FBXL4: variants seen among roughly 807,000 people sequenced by gnomAD.
The protein encoded by FBXL4 is F-box/LRR-repeat protein 4.
In FBXL4, 40 loss-of-function variants were observed where a neutral mutation model predicts 58.9. The ratio of observed to expected loss-of-function variants is 0.68; its 90% CI spans 0.53 to 0.88. The LOEUF (loss-of-function observed/expected upper bound fraction) is 0.88. FBXL4 is among the 40% of genes least tolerant of loss of function. The probability of loss-of-function intolerance (pLI) is 0.00; values close to 1 mark genes in which losing one functional copy is unlikely to be tolerated. For synonymous variants in FBXL4, 263 were observed against 265.5 expected (o/e 0.99, Z 0.09); for missense variants, 676 against 734.4 (o/e 0.92, Z 0.92).
rs1773687186 is a variant in FBXL4, at chr6:98,947,828, C to T, written c.-331G>A. The T allele has an allele frequency of 6.6e-6, 1 of 151,908 alleles. No individual in the cohort carries two copies. Among genetic ancestry groups the T allele is most frequent in the Non-Finnish European group, 1.5e-5 (1 of 68,018 alleles). 9.4% of individuals were successfully genotyped at this position (151,908 alleles called of 1,614,324 possible). A position where few individuals can be genotyped will look rare whatever the true frequency, so the allele number is the denominator to read the frequency against. ...TACCCTGCAGGGTCCGGGAGAGGCG[C>T]GCGCCGCGGGCTTCACCAGCGACCA... On this transcript the variant is annotated 5_prime_UTR_variant, in exon 1 of 10. Transcript: ENST00000369244.
At chr6:98,899,564 A>G (rs1582394079) in intron 6 of FBXL4, 83 bp from the exon 7 acceptor site, 2 of 1,411,460 alleles carry the variant, frequency 1.4e-6, no homozygotes, top group Non-Finnish European at 1.9e-6. Flanking sequence ...AACTCTAAGT[A>G]GATACATTTG....
intron 4 of FBXL4, among the ~76,000 whole-genome samples, chr6:98,923,846 T>C (rs1336645090): frequency 1.3e-5 from 2 of 152,188 alleles, no homozygotes; most frequent in Non-Finnish European, 2.9e-5. Context: ...CATATATATT[T>C]TCCTTTTTTT....
At chr6:98,930,265 A>C (rs1457250289) in intron 2 of FBXL4, among the ~76,000 whole-genome samples, 3 of 152,236 alleles carry the variant, frequency 2.0e-5, no homozygotes, top group Non-Finnish European at 4.4e-5. Context: ...CATATATTAA[A>C]ATAAATAGGC....
intron 7 of FBXL4, among the ~76,000 whole-genome samples, chr6:98,892,537 C>T (rs558446023): frequency 5.7e-4 from 87 of 152,292 alleles, no homozygotes; most frequent in African/African-American, 2.0e-3. Flanking sequence ...AAGGAGACCA[C>T]CATATACGCA....
At chr6:98,883,407 A>C (rs1027030423) in intron 7 of FBXL4, among the ~76,000 whole-genome samples, 1 of 151,958 alleles carries the variant, frequency 6.6e-6, no homozygotes, top group African/African-American at 2.4e-5. Context: ...AGATGTGAAC[A>C]TTTTAAATTT....
intron 6 of FBXL4, among the ~76,000 whole-genome samples, chr6:98,903,928 T>C (rs932219610): frequency 5.3e-5 from 8 of 152,152 alleles, no homozygotes; most frequent in Non-Finnish European, 1.0e-4. Flanking sequence ...ATTATATATC[T>C]CATGTCTCTG....
chr6:98,912,583 A>T (rs1026338295), intron 5 of FBXL4, among the ~76,000 whole-genome samples: 3 of 152,214 alleles, frequency 2.0e-5, no homozygotes, highest in African/African-American at 7.2e-5. Context: ...ACTAAGCTTC[A>T]TAAGTGAAGG....
chr6:98,945,256 C>G (rs551293306), intron 1 of FBXL4, among the ~76,000 whole-genome samples: 1 of 152,152 alleles, frequency 6.6e-6, no homozygotes, highest in South Asian at 2.1e-4. Flanking sequence ...ATAATGCCAA[C>G]AGGGGACTGG....
At chr6:98,916,737 G>A (rs911479398) in intron 5 of FBXL4, among the ~76,000 whole-genome samples, 2 of 151,336 alleles carry the variant, frequency 1.3e-5, no homozygotes, top group East Asian at 1.9e-4. Flanking sequence ...GTTGATGGGT[G>A]CAGCACACCA....
chr6:98,874,191 TA>T lies in FBXL4; in HGVS notation c.*86del. 9.7e-7 allele frequency: 1 copy of T among 1,030,060 alleles called. No individual in the cohort carries two copies. The highest frequency in any genetic ancestry group is 1.4e-6 in the Non-Finnish European group (1 of 737,694). The allele number at this position is 1,030,060 out of a possible 1,614,324, so 63.8% of individuals were successfully genotyped here. Reference sequence around the variant, plus strand: ...CTACAAATGTCTTAATTCTTACCATTAAAACAACTAAAAACAAAACCCAAAA... The same window carrying T: ...CTACAAATGTCTTAATTCTTACCATTAAACAACTAAAAACAAAACCCAAAA... On this transcript the variant is annotated 3_prime_UTR_variant, in exon 10 of 10. Coordinates refer to ENST00000369244, the MANE Select transcript of FBXL4 (RefSeq NM_001278716.2).
Position 98,872,834 on chromosome 6 carries a change from A to G in FBXL4, c.*1444T>C, listed in dbSNP as rs1770529345. 6.6e-6 allele frequency: 1 copy of G among 152,202 alleles called. No individual in the cohort carries two copies. The highest frequency in any genetic ancestry group is 1.5e-5 in the Non-Finnish European group (1 of 68,064). The allele number at this position is 152,202 out of a possible 1,614,324, so 9.4% of individuals were successfully genotyped here. A position where few individuals can be genotyped will look rare whatever the true frequency, so the allele number is the denominator to read the frequency against. ...CACTAGCAGCTGTATGATCATAAATAAATTCTTCAATCTTTCTTTGCCTCA... is the reference window on the plus strand; with the variant it reads ...CACTAGCAGCTGTATGATCATAAATGAATTCTTCAATCTTTCTTTGCCTCA... On this transcript the variant is annotated 3_prime_UTR_variant, in exon 10 of 10. Coordinates refer to ENST00000369244, the MANE Select transcript of FBXL4 (RefSeq NM_001278716.2).
chr6:98,880,700 C>T (rs1770822877), intron 7 of FBXL4, 76 bp from the exon 8 acceptor site: 1 of 1,225,242 alleles, frequency 8.2e-7, no homozygotes, highest in Non-Finnish European at 1.2e-6. Context: ...GTCAATTAGA[C>T]ATTAAAGGCT....
intron 4 of FBXL4, among the ~76,000 whole-genome samples, chr6:98,921,579 G>T (rs1401485519): frequency 6.6e-6 from 1 of 151,940 alleles, no homozygotes; most frequent in South Asian, 2.1e-4. Context: ...AAACTAGCAT[G>T]TGCTTAAAAA....
intron 5 of FBXL4, 62 bp from the exon 6 acceptor site, chr6:98,905,732 TATAAC>T (rs1459310838): frequency 5.3e-6 from 8 of 1,514,438 alleles, no homozygotes; most frequent in Middle Eastern, 1.7e-4. Context: ...CTATGAAACA[TATAAC>T]ATAATCTAAT....
chr6:98,946,261 A>T (rs186138466), intron 1 of FBXL4, among the ~76,000 whole-genome samples: 7 of 152,322 alleles, frequency 4.6e-5, no homozygotes, highest in Middle Eastern at 6.8e-3. Flanking sequence ...ATCAGCAGGG[A>T]AAAATAGAAT....
rs370789103 is a variant in FBXL4 at position 98,941,290 on chromosome 6, T to C, written c.-308-6411A>G. Among the ~76,000 whole-genome samples, 40 of 152,302 alleles carry C rather than the reference T, an allele frequency of 2.6e-4. 1 individual carries two copies. In the South Asian group the frequency reaches 7.9e-3, roughly 30 times the overall value. ...TATAGATGAATCTTAAAATGCATTT[T>C]GTTAAGTGACAGAGGTCTGATGCAA... On this transcript the variant is annotated intron_variant, in intron 1 of 9. Transcript: ENST00000369244.
At chr6:98,930,189 G>A (rs751010528) in intron 2 of FBXL4, among the ~76,000 whole-genome samples, 7 of 152,186 alleles carry the variant, frequency 4.6e-5, no homozygotes, top group African/African-American at 7.2e-5. Context: ...GGAGGGATTT[G>A]CAGCACAAGA....
chr6:98,907,463 CAG>C (rs1269317271), intron 5 of FBXL4, among the ~76,000 whole-genome samples: 1 of 152,112 alleles, frequency 6.6e-6, no homozygotes, highest in Non-Finnish European at 1.5e-5. Flanking sequence ...GAGTAGCAAA[CAG>C]ATACAAGAAT....
chr6:98,934,330 C>T (rs1464987662), intron 2 of FBXL4, among the ~76,000 whole-genome samples: 8 of 151,320 alleles, frequency 5.3e-5, no homozygotes, highest in African/African-American at 1.2e-4. Context: ...ACCCGGGAGG[C>T]GGAGGTTGCA....
Sources: allele counts gnomAD v4.1 joint callset (sites outside exome capture counted in the v4.1 genomes callset), GRCh38; gene constraint gnomAD v4.1.1; transcripts MANE v1.5; gene names NCBI Gene and HGNC (gene_info 2026-07-23, HGNC 2026-07-21).